The following KLHL1 variants were observed in gnomAD, a reference collection of about 807,000 sequenced individuals.
KLHL1 encodes kelch like family member 1.
KLHL1 carries 47 observed loss-of-function variants against 77.7 expected under a neutral mutation model. That is an observed-to-expected ratio of 0.60 (90% confidence interval 0.48 to 0.77). KLHL1 has a LOEUF of 0.77. Ranked by LOEUF, KLHL1 falls within the 30% of genes least tolerant of loss-of-function variation. The pLI, the probability that KLHL1 is intolerant of heterozygous loss-of-function variation, is 0.00. For synonymous variants in KLHL1, 360 were observed against 325.2 expected (o/e 1.11, Z -1.15); for missense variants, 925 against 910.8 (o/e 1.02, Z -0.20).
chr13:69,764,768 A>G (rs535489465), intron 7 of KLHL1, among the ~76,000 whole-genome samples: 46 of 152,070 alleles, frequency 3.0e-4, no homozygotes, highest in Non-Finnish European at 4.3e-4. Flanking sequence ...GAATTTTAAG[A>G]AGATTCCAAG....
intron 3 of KLHL1, among the ~76,000 whole-genome samples, chr13:69,949,835 G>A (rs528644506): frequency 1.3e-3 from 201 of 151,782 alleles, no homozygotes; most frequent in African/African-American, 4.7e-3. Context: ...AGTTAACAAT[G>A]ACATTTAAAT....
At chr13:70,001,581 G>GTCTATCCA (rs1885288838) in intron 1 of KLHL1, among the ~76,000 whole-genome samples, 1 of 146,618 alleles carries the variant, frequency 6.8e-6, no homozygotes, top group Non-Finnish European at 1.5e-5. Flanking sequence ...TGATCTATGT[G>GTCTATCCA]TCTATCTATC....
intron 4 of KLHL1, among the ~76,000 whole-genome samples, chr13:69,915,913 C>T (rs561137462): frequency 3.3e-4 from 50 of 152,008 alleles, no homozygotes; most frequent in Non-Finnish European, 5.4e-4. Context: ...AACAAACAAC[C>T]GCATCAAAAA....
chr13:70,069,419 T>C (rs183199970), intron 1 of KLHL1, among the ~76,000 whole-genome samples: 1 of 152,270 alleles, frequency 6.6e-6, no homozygotes, highest in East Asian at 1.9e-4. Flanking sequence ...AACTGATAAA[T>C]CATGTATGTC....
At chr13:69,798,600 C>T (rs1877235754) in intron 6 of KLHL1, among the ~76,000 whole-genome samples, 1 of 151,718 alleles carries the variant, frequency 6.6e-6, no homozygotes, top group East Asian at 1.9e-4. Context: ...ATATTTTAAA[C>T]AGATGTATTT....
intron 1 of KLHL1, among the ~76,000 whole-genome samples, chr13:70,018,928 T>G (rs755346196): frequency 2.6e-5 from 4 of 152,216 alleles, no homozygotes; most frequent in Non-Finnish European, 5.9e-5. Context: ...TGAAGCAACT[T>G]AATGAGATCA....
chr13:69,859,598 T>G (rs896987555), intron 5 of KLHL1, among the ~76,000 whole-genome samples: 2 of 152,018 alleles, frequency 1.3e-5, no homozygotes, highest in Non-Finnish European at 2.9e-5. Flanking sequence ...TTACATCAGG[T>G]TGCAATGTGA....
At chr13:69,812,326 A>G (rs539488585) in intron 6 of KLHL1, among the ~76,000 whole-genome samples, 1 of 152,296 alleles carries the variant, frequency 6.6e-6, no homozygotes, top group East Asian at 1.9e-4. Flanking sequence ...AATTAATTCA[A>G]GATGGATTAA....
chr13:70,004,034 A>T (rs978515719), intron 1 of KLHL1, among the ~76,000 whole-genome samples: 2 of 151,860 alleles, frequency 1.3e-5, no homozygotes, highest in Admixed American at 6.6e-5. Context: ...TACCTCTTAG[A>T]CATGGTTACT....
chr13:69,889,108 G>A (rs1481182373), intron 4 of KLHL1, among the ~76,000 whole-genome samples: 1 of 151,814 alleles, frequency 6.6e-6, no homozygotes, highest in Non-Finnish European at 1.5e-5. Context: ...ATGCAGAGTT[G>A]AGAAAGACAT....
rs1161444196 is a variant in KLHL1, at chr13:69,708,244, G to GA, written c.2016-449dup. Among the ~76,000 whole-genome samples, 46 of 151,766 alleles carry GA rather than the reference G, an allele frequency of 3.0e-4. 1 individual carries two copies. The highest frequency in any genetic ancestry group is 1.2e-4 in the Non-Finnish European group (8 of 67,860). ...TGAAAGTCTAGCCTAAATTTGCTAGGAAAAAAAAGGAAAGATTTGTGCAAA... is the reference window on the plus strand; with the variant it reads ...TGAAAGTCTAGCCTAAATTTGCTAGGAAAAAAAAAGGAAAGATTTGTGCAAA... On this transcript the variant is annotated intron_variant, in intron 9 of 10. Coordinates refer to ENST00000377844, the MANE Select transcript of KLHL1 (RefSeq NM_020866.3).
At chr13:69,702,766 T>A (rs1875455361) in intron 10 of KLHL1, among the ~76,000 whole-genome samples, 1 of 151,764 alleles carries the variant, frequency 6.6e-6, no homozygotes, top group African/African-American at 2.4e-5. Flanking sequence ...TTGTAAAAGC[T>A]AATTTAATGT....
chr13:69,950,729 C>T lies in KLHL1; in HGVS notation c.818-10493G>A, dbSNP rs565338808. 2.0e-5 allele frequency among the ~76,000 whole-genome samples: 3 copies of T among 151,622 alleles called. No individual in the cohort carries two copies. In the East Asian group the frequency reaches 5.8e-4, roughly 29 times the overall value. On this transcript the variant is annotated intron_variant, in intron 3 of 10. Coordinates refer to ENST00000377844, the MANE Select transcript of KLHL1 (RefSeq NM_020866.3). Reference sequence around the variant, plus strand: ...TATGTAGAACATATACTCTTGAATTCGGCAGAGATAATTCAATTCCCTTTA... The same window carrying T: ...TATGTAGAACATATACTCTTGAATTTGGCAGAGATAATTCAATTCCCTTTA...
Position 69,829,268 on chromosome 13 carries a change from A to T in KLHL1, c.1414+9708T>A, listed in dbSNP as rs868348273. 2.7e-5 allele frequency among the ~76,000 whole-genome samples: 4 copies of T among 149,736 alleles called. 1 individual carries two copies. The highest frequency in any genetic ancestry group is 4.4e-5 in the Non-Finnish European group (3 of 67,708). The stretch of plus-strand genomic sequence containing the variant: ...ACCTGAAGACAGATCACATTACAGG[A>T]TCCACAGACACTCCCCAGTACCACC... On this transcript the variant is annotated intron_variant, in intron 6 of 10. Coordinates refer to ENST00000377844, the MANE Select transcript of KLHL1 (RefSeq NM_020866.3).
At chr13:69,976,361 G>T (rs941506164) in intron 1 of KLHL1, among the ~76,000 whole-genome samples, 2 of 151,830 alleles carry the variant, frequency 1.3e-5, no homozygotes, top group Admixed American at 1.3e-4. Context: ...CAAAAAAGTA[G>T]AATGTATTAA....
At position 69,903,996 on chromosome 13, in the gene KLHL1, C is replaced by T. The variant is rs1454718559; in HGVS notation, c.1015-21501G>A. Among the ~76,000 whole-genome samples, 10 of 151,356 alleles carry T rather than the reference C, an allele frequency of 6.6e-5. No homozygotes were observed. In the East Asian group the frequency reaches 1.9e-3, roughly 29 times the overall value. On this transcript the variant is annotated intron_variant, in intron 4 of 10. Coordinates refer to ENST00000377844, the MANE Select transcript of KLHL1 (RefSeq NM_020866.3). ...CATTGAAGAAATGTTTACTATATGCCCTATGTATTTAAAGAGACCCACTTG... is the reference window on the plus strand; with the variant it reads ...CATTGAAGAAATGTTTACTATATGCTCTATGTATTTAAAGAGACCCACTTG...
intron 1 of KLHL1, among the ~76,000 whole-genome samples, chr13:70,026,247 G>T (rs568783059): frequency 1.3e-5 from 2 of 151,794 alleles, no homozygotes; most frequent in South Asian, 2.1e-4. Flanking sequence ...TGTTATAAAA[G>T]GTATATTTAT....
chr13:69,862,679 A>C (rs370396776), intron 5 of KLHL1, among the ~76,000 whole-genome samples: 1 of 129,636 alleles, frequency 7.7e-6, no homozygotes, highest in Non-Finnish European at 1.6e-5. Context: ...TTAAGGAGAC[A>C]ATTAATACTA....
At chr13:70,082,342 C>CACACAG (rs1372130328) in intron 1 of KLHL1, among the ~76,000 whole-genome samples, 1 of 148,618 alleles carries the variant, frequency 6.7e-6, no homozygotes, top group Non-Finnish European at 1.5e-5. Flanking sequence ...CACACACACA[C>CACACAG]ACACACACAC....
Sources: allele counts gnomAD v4.1 joint callset (sites outside exome capture counted in the v4.1 genomes callset), GRCh38; gene constraint gnomAD v4.1.1; transcripts MANE v1.5; gene names NCBI Gene and HGNC (gene_info 2026-07-23, HGNC 2026-07-21).